Variants in MACROD2 observed in about 807,000 individuals in gnomAD.
MACROD2 encodes mono-ADP ribosylhydrolase 2.
MACROD2 carries 36 observed loss-of-function variants against 70.4 expected under a neutral mutation model. The observed-to-expected ratio is 0.51, with a 90% confidence interval of 0.39 to 0.68. MACROD2 has a LOEUF of 0.68. Ranked by LOEUF, MACROD2 falls within the 30% of genes least tolerant of loss-of-function variation. The pLI is 0.00. For synonymous variants in MACROD2, 172 were observed against 178.8 expected (o/e 0.96, Z 0.30); for missense variants, 496 against 538.4 (o/e 0.92, Z 0.78).
intron 5 of MACROD2, among the ~76,000 whole-genome samples, chr20:15,004,520 A>G (rs1180047434): frequency 6.6e-6 from 1 of 152,226 alleles, no homozygotes; most frequent in Admixed American, 6.5e-5. Flanking sequence ...ATAGCTATCT[A>G]TTTATCAATA....
intron 8 of MACROD2, among the ~76,000 whole-genome samples, chr20:15,582,665 A>C (rs969214352): frequency 6.6e-5 from 10 of 152,224 alleles, no homozygotes; most frequent in Non-Finnish European, 1.5e-4. Flanking sequence ...TGTCACCTGA[A>C]GAATCCACTG....
At position 15,279,223 on chromosome 20, in the gene MACROD2, G is replaced by A. The variant is rs201296170; in HGVS notation, c.540+49162G>A. On this transcript the variant is annotated intron_variant, in intron 6 of 17. Coordinates refer to ENST00000684519, the MANE Select transcript of MACROD2 (RefSeq NM_001351661.2). Reference sequence around the variant, plus strand: ...AGGAAACTTCTAAATAGTCCTAGGAGACACACATGAACAAAAAGGTCATGG... The same window carrying A: ...AGGAAACTTCTAAATAGTCCTAGGAAACACACATGAACAAAAAGGTCATGG... 7.2e-5 allele frequency among the ~76,000 whole-genome samples: 11 copies of A among 152,296 alleles called. No individual in the cohort carries two copies. In the East Asian group the frequency reaches 1.9e-3, roughly 27 times the overall value.
At chr20:14,656,438 C>T (rs8183523) in intron 4 of MACROD2, among the ~76,000 whole-genome samples, 14,225 of 152,184 alleles carry the variant, frequency 0.093, 1,084 homozygotes, top group South Asian at 0.28. Flanking sequence ...ATCCATGACA[C>T]CATATAAAAC....
chr20:14,163,734 A>C (rs1447338233), intron 3 of MACROD2, among the ~76,000 whole-genome samples: 1 of 150,504 alleles, frequency 6.6e-6, no homozygotes, highest in Non-Finnish European at 1.5e-5. Context: ...GATTTAGTTT[A>C]CTATTGAAGC....
intron 3 of MACROD2, among the ~76,000 whole-genome samples, chr20:14,434,334 G>C (rs1472406224): frequency 6.6e-6 from 1 of 152,120 alleles, no homozygotes; most frequent in African/African-American, 2.4e-5. Flanking sequence ...AGTTTTCATA[G>C]TTATGGCTTT....
intron 11 of MACROD2, among the ~76,000 whole-genome samples, chr20:15,935,808 TAAAC>T (rs1225322315): frequency 6.6e-6 from 1 of 152,032 alleles, no homozygotes; most frequent in Non-Finnish European, 1.5e-5. Flanking sequence ...TTCCAAACAA[TAAAC>T]AAATAAAAAT....
At chr20:14,303,684 A>G (rs2082495583) in intron 3 of MACROD2, among the ~76,000 whole-genome samples, 1 of 152,146 alleles carries the variant, frequency 6.6e-6, no homozygotes, top group Non-Finnish European at 1.5e-5. Context: ...TTTAAGTTTT[A>G]TAGTCTTCCA....
intron 3 of MACROD2, among the ~76,000 whole-genome samples, chr20:14,213,451 A>G (rs2081588038): frequency 6.8e-6 from 1 of 146,398 alleles, no homozygotes; most frequent in South Asian, 2.2e-4. Flanking sequence ...AGGGCTTCAT[A>G]AAGTGGCATA....
In MACROD2 at chr20:14,705,402, C is replaced by T. The variant is rs181850285; in HGVS notation, c.418+20443C>T. ...TAGCATGGAACTAATGCAGAATGTACCCATGTAGTGTATTGTCACTGAATG... is the reference window on the plus strand; with the variant it reads ...TAGCATGGAACTAATGCAGAATGTATCCATGTAGTGTATTGTCACTGAATG... On this transcript the variant is annotated intron_variant, in intron 5 of 17. Coordinates refer to ENST00000684519, the MANE Select transcript of MACROD2 (RefSeq NM_001351661.2). 8.8e-4 allele frequency among the ~76,000 whole-genome samples: 134 copies of T among 152,122 alleles called. 1 individual carries two copies. The highest frequency in any genetic ancestry group is 3.4e-3 in the Middle Eastern group (1 of 294).
At chr20:15,394,288 C>T (rs535586750) in intron 6 of MACROD2, among the ~76,000 whole-genome samples, 1 of 152,270 alleles carries the variant, frequency 6.6e-6, no homozygotes, top group South Asian at 2.1e-4. Flanking sequence ...AAACAAATGC[C>T]TACAATTTTG....
intron 3 of MACROD2, among the ~76,000 whole-genome samples, chr20:14,165,786 A>T (rs985240968): frequency 1.3e-4 from 20 of 152,228 alleles, no homozygotes; most frequent in African/African-American, 4.6e-4. Flanking sequence ...GCATTGATGG[A>T]TGAATGAAAA....
intron 3 of MACROD2, among the ~76,000 whole-genome samples, chr20:14,435,095 A>G (rs2084041315): frequency 6.6e-6 from 1 of 152,192 alleles, no homozygotes. Flanking sequence ...CAGAAGTCTG[A>G]ACTGAAGGTA....
chr20:14,873,408 G>A (rs568306701), intron 5 of MACROD2, among the ~76,000 whole-genome samples: 4 of 152,232 alleles, frequency 2.6e-5, no homozygotes, highest in Admixed American at 2.6e-4. Context: ...TTTGCTAGAT[G>A]TAGCTTGATC....
chr20:14,138,840 G>C (rs1214863720), intron 3 of MACROD2, among the ~76,000 whole-genome samples: 1 of 151,196 alleles, frequency 6.6e-6, no homozygotes, highest in South Asian at 2.1e-4. Context: ...GTGCTAATTA[G>C]TTTGATTGTG....
intron 8 of MACROD2, among the ~76,000 whole-genome samples, chr20:15,633,945 T>TA (rs2049328356): frequency 6.6e-6 from 1 of 152,234 alleles, no homozygotes; most frequent in African/African-American, 2.4e-5. Flanking sequence ...TTCATTTTTT[T>TA]AAACTCAAAA....
At chr20:14,903,344 G>A (rs1221532090) in intron 5 of MACROD2, among the ~76,000 whole-genome samples, 1 of 151,850 alleles carries the variant, frequency 6.6e-6, no homozygotes, top group Non-Finnish European at 1.5e-5. Flanking sequence ...CCCGGCCCAG[G>A]TTTCTTACAT....
chr20:16,007,882 G>T (rs1416492520), intron 15 of MACROD2, among the ~76,000 whole-genome samples: 3 of 152,080 alleles, frequency 2.0e-5, no homozygotes, highest in African/African-American at 7.2e-5. Context: ...TATAAGTTGG[G>T]TATAGATATA....
At chr20:14,001,076 T>G (rs1228341853) in intron 1 of MACROD2, among the ~76,000 whole-genome samples, 1 of 152,252 alleles carries the variant, frequency 6.6e-6, no homozygotes, top group African/African-American at 2.4e-5. Flanking sequence ...GGAGTTTTCC[T>G]GAGAATGTAG....
At chr20:15,640,160 G>A (rs957816630) in intron 8 of MACROD2, among the ~76,000 whole-genome samples, 4 of 151,922 alleles carry the variant, frequency 2.6e-5, no homozygotes, top group African/African-American at 9.7e-5. Context: ...AAAAAGAGAT[G>A]TGAGGAAGGG....
Sources: gnomAD v4.1 joint callset for allele counts (sites outside exome capture counted in the v4.1 genomes callset) on GRCh38, gnomAD v4.1.1 for gene constraint, MANE v1.5 for transcripts, NCBI Gene and HGNC (gene_info 2026-07-23, HGNC 2026-07-21) for gene names.